The following LIPA variants were observed in gnomAD, a reference collection of about 807,000 sequenced individuals.
LIPA encodes the protein lysosomal acid lipase/cholesteryl ester hydrolase.
A neutral mutation model predicts 40.6 loss-of-function variants in LIPA; 26 were observed. The ratio of observed to expected loss-of-function variants is 0.64; its 90% CI spans 0.47 to 0.89. LIPA has a LOEUF of 0.89. Among genes scored for constraint, LIPA ranks in the 40% least tolerant of loss-of-function variants. The probability of loss-of-function intolerance (pLI) is 0.00; values close to 1 mark genes in which losing one functional copy is unlikely to be tolerated. For synonymous variants in LIPA, 188 were observed against 168.4 expected (o/e 1.12, Z -0.90); for missense variants, 455 against 479.6 (o/e 0.95, Z 0.48).
chr10:89,241,656 G>C (rs947551760), intron 3 of LIPA, among the ~76,000 whole-genome samples: 1 of 152,070 alleles, frequency 6.6e-6, no homozygotes, highest in Non-Finnish European at 1.5e-5. Flanking sequence ...ACAACCCCTG[G>C]GGAATCTTTG....
At chr10:89,241,628 A>T (rs2133456726) in intron 3 of LIPA, among the ~76,000 whole-genome samples, 1 of 152,162 alleles carries the variant, frequency 6.6e-6, no homozygotes, top group African/African-American at 2.4e-5. Context: ...TTCAGCTATG[A>T]CTCTAATAGC....
chr10:89,383,556 A>C, intron 2 of LIPA: 1 of 1,614,252 alleles, frequency 6.2e-7, no homozygotes, highest in Non-Finnish European at 8.5e-7. Context: ...CTGAAGACTT[A>C]ATTCAGAAAG....
At chr10:89,355,440 G>A (rs116445831) in intron 2 of LIPA, among the ~76,000 whole-genome samples, 2,692 of 152,342 alleles carry the variant, frequency 0.018, 39 homozygotes, top group African/African-American at 0.044. Context: ...CCTGAAGGCT[G>A]CAATCCCCTT....
At chr10:89,268,324 T>C (rs777014615) in intron 1 of LIPA, among the ~76,000 whole-genome samples, 5 of 152,218 alleles carry the variant, frequency 3.3e-5, no homozygotes, top group Non-Finnish European at 5.9e-5. Flanking sequence ...ACATCTCAAA[T>C]TTTGGATAAG....
At chr10:89,380,650 C>T (rs1006695894) in intron 2 of LIPA, among the ~76,000 whole-genome samples, 1 of 152,092 alleles carries the variant, frequency 6.6e-6, no homozygotes, top group Admixed American at 6.5e-5. Flanking sequence ...CCATGCTGGT[C>T]GTGAACTCCT....
chr10:89,307,675 G>A (rs1407444529), intron 1 of LIPA: 1 of 288,696 alleles, frequency 3.5e-6, no homozygotes. Flanking sequence ...CTTTAGTGGA[G>A]TAATCTACTG....
intron 1 of LIPA, among the ~76,000 whole-genome samples, chr10:89,318,410 A>C (rs1184201094): frequency 2.6e-5 from 4 of 152,238 alleles, no homozygotes; most frequent in Admixed American, 2.0e-4. Flanking sequence ...GCAGGGTTGC[A>C]ATCCTAGTCT....
chr10:89,365,873 G>A (rs1844053192), intron 2 of LIPA, among the ~76,000 whole-genome samples: 1 of 152,200 alleles, frequency 6.6e-6, no homozygotes, highest in Non-Finnish European at 1.5e-5. Context: ...ATAGTTTGAA[G>A]TCAGGTAGCA....
intron 1 of LIPA, among the ~76,000 whole-genome samples, chr10:89,284,825 G>C (rs1032473238): frequency 6.6e-6 from 1 of 152,124 alleles, no homozygotes; most frequent in African/African-American, 2.4e-5. Context: ...AGTGAAAATG[G>C]CCTGTCCCTG....
intron 2 of LIPA, chr10:89,384,410 G>T: frequency 6.2e-7 from 1 of 1,614,110 alleles, no homozygotes. Flanking sequence ...TTTCAGAAAG[G>T]GTTACGCATG....
At chr10:89,327,531 A>G (rs1480165143) in intron 1 of LIPA, among the ~76,000 whole-genome samples, 2 of 152,128 alleles carry the variant, frequency 1.3e-5, no homozygotes, top group Admixed American at 1.3e-4. Flanking sequence ...AGCCTGGGCA[A>G]CAGAGTAAGA....
chr10:89,361,192 T>C (rs1844019697), intron 2 of LIPA, among the ~76,000 whole-genome samples: 1 of 152,152 alleles, frequency 6.6e-6, no homozygotes, highest in Non-Finnish European at 1.5e-5. Context: ...CAATATGTCA[T>C]AGATAGGACT....
intron 1 of LIPA, among the ~76,000 whole-genome samples, chr10:89,279,582 G>A (rs1028277154): frequency 2.0e-5 from 3 of 152,212 alleles, no homozygotes; most frequent in East Asian, 3.9e-4. Flanking sequence ...AGGGCTTCGA[G>A]CCAAACCACA....
intron 1 of LIPA, among the ~76,000 whole-genome samples, chr10:89,269,614 G>C (rs1843255048): frequency 6.6e-6 from 1 of 152,150 alleles, no homozygotes; most frequent in Non-Finnish European, 1.5e-5. Flanking sequence ...TTGTACATGA[G>C]AGACTGGAGT....
At chr10:89,311,476 G>A (rs1315055264) in intron 1 of LIPA, among the ~76,000 whole-genome samples, 1 of 141,054 alleles carries the variant, frequency 7.1e-6, no homozygotes, top group Admixed American at 7.5e-5. Context: ...GTTGCAGTGA[G>A]ATGGTACCAC....
chr10:89,287,905 A>C (rs1384686195), intron 1 of LIPA, among the ~76,000 whole-genome samples: 1 of 151,996 alleles, frequency 6.6e-6, no homozygotes, highest in Non-Finnish European at 1.5e-5. Flanking sequence ...TTTGTCCTCA[A>C]TACCTCCCTC....
intron 2 of LIPA, among the ~76,000 whole-genome samples, chr10:89,386,270 T>C (rs1844209707): frequency 6.6e-6 from 1 of 152,164 alleles, no homozygotes; most frequent in South Asian, 2.1e-4. Context: ...AATTTTAAGA[T>C]TGACTTATGT....
intron 3 of LIPA, among the ~76,000 whole-genome samples, chr10:89,242,800 C>T (rs1430575654): frequency 2.0e-5 from 3 of 152,190 alleles, no homozygotes; most frequent in Non-Finnish European, 4.4e-5. Context: ...TTTCCATAAT[C>T]CTGTCTTGAA....
chr10:89,333,388 T>C (rs7091558), intron 1 of LIPA, among the ~76,000 whole-genome samples: 11,006 of 152,242 alleles, frequency 0.072, 1,008 homozygotes, highest in African/African-American at 0.22. Context: ...AAGTACTTCA[T>C]AGGCATACTG....
Sources: allele counts gnomAD v4.1 joint callset (sites outside exome capture counted in the v4.1 genomes callset), GRCh38; gene constraint gnomAD v4.1.1; transcripts MANE v1.5; gene names NCBI Gene and HGNC (gene_info 2026-07-23, HGNC 2026-07-21).